CACNA1H: variants seen among roughly 807,000 people sequenced by gnomAD.
The protein encoded by CACNA1H is calcium voltage-gated channel subunit alpha1 H, also known as voltage-dependent T-type calcium channel subunit alpha-1H.
In CACNA1H, 149 loss-of-function variants were observed where a neutral mutation model predicts 192.5. The ratio of observed to expected loss-of-function variants is 0.77; its 90% CI spans 0.68 to 0.89. CACNA1H has a LOEUF of 0.89. CACNA1H is among the 40% of genes least tolerant of loss of function. The pLI is 0.00. For missense variants in CACNA1H, 4,257 were observed against 3,423.5 expected (o/e 1.24, Z -6.08); for synonymous variants, 2,202 against 1,475.2 (o/e 1.49, Z -11.29).
intron 31 of CACNA1H, among the ~76,000 whole-genome samples, chr16:1,217,556 G>C (rs1970129566): frequency 6.6e-6 from 1 of 152,222 alleles, no homozygotes; most frequent in South Asian, 2.1e-4. Context: ...TCCCGACGGT[G>C]GGTGTGGCGT....
Position 1,220,763 on chromosome 16 carries a change from T to A in CACNA1H, c.6831T>A (p.Ser2277Arg), listed in dbSNP as rs772341545. The A allele has an allele frequency of 5.0e-6, 8 of 1,612,334 alleles. No homozygotes were observed. Among genetic ancestry groups the A allele is most frequent in the Non-Finnish European group, 5.9e-6 (7 of 1,179,732 alleles). Reference protein sequence around the residue: ...AFEPLDLGVPSGDPFLDGSHS... With the variant: ...AFEPLDLGVPRGDPFLDGSHS... ...AGCCGCTGGACCTCGGGGTCCCCAG[T>A]GGAGACCCTTTCTTGGACGGTAGCC... Residue 2277 changes from serine (S) to arginine (R), a missense_variant, in exon 35 of 35, where the codon AGT becomes AGA. Transcript: ENST00000348261.
chr16:1,208,965 C>T, intron 16 of CACNA1H, 67 bp from the exon 17 acceptor site: 1 of 1,372,502 alleles, frequency 7.3e-7, no homozygotes, highest in Non-Finnish European at 9.4e-7. Context: ...ACAGTGGGTG[C>T]TCCGTAATGA....
At position 1,201,963 on chromosome 16, in the gene CACNA1H, C is replaced by A. The variant is rs60414549; in HGVS notation, c.1513C>A (p.Arg505Ser). The change falls in exon 9 of 35, where the codon CGC (arginine) becomes AGC (serine). Residue 505 changes from arginine (R) to serine (S), a missense_variant. Coordinates refer to ENST00000348261, the MANE Select transcript of CACNA1H (RefSeq NM_021098.3). Reference sequence around the variant, plus strand: ...AGGCCAGGGTCCCGGGCACCGCCAGCGCCGGGCAGGCAGGCACACAGCCTC... The same window carrying A: ...AGGCCAGGGTCCCGGGCACCGCCAGAGCCGGGCAGGCAGGCACACAGCCTC... ...VQGQGPGHRQ[R>S]RAGRHTASVH... 3 of 1,544,942 alleles carry A rather than the reference C, an allele frequency of 1.9e-6. No homozygotes were observed. Among genetic ancestry groups the A allele is most frequent in the African/African-American group, 2.7e-5 (2 of 73,050 alleles).
chr16:1,186,993 C>T (rs1017076621), intron 2 of CACNA1H, among the ~76,000 whole-genome samples: 3 of 152,226 alleles, frequency 2.0e-5, no homozygotes, highest in Non-Finnish European at 2.9e-5. Context: ...GCGGCTGGCC[C>T]GGCCCCTCCT....
chr16:1,195,968 G>A lies in CACNA1H; in HGVS notation c.588G>A (p.Ser196=), dbSNP rs749822770. 17 of 1,612,994 alleles carry A rather than the reference G, an allele frequency of 1.1e-5. No individual in the cohort carries two copies. The highest frequency in any genetic ancestry group is 3.3e-5 in the Admixed American group (2 of 60,002). ...TGGACGGACACAACGTGAGCCTCTCGGCTATCAGGACCGTGCGGGTGCTGC... is the reference window on the plus strand; with the variant it reads ...TGGACGGACACAACGTGAGCCTCTCAGCTATCAGGACCGTGCGGGTGCTGC... ...YSLDGHNVSL[S]AIRTVRVLRP... Residue 196 remains serine, a synonymous_variant, in exon 5 of 35, where the codon TCG becomes TCA. Coordinates refer to ENST00000348261, the MANE Select transcript of CACNA1H (RefSeq NM_021098.3).
chr16:1,162,573 G>A (rs1472815098), intron 2 of CACNA1H, among the ~76,000 whole-genome samples: 2 of 151,674 alleles, frequency 1.3e-5, no homozygotes. Flanking sequence ...GGCTGGTGCT[G>A]CAGTTGTGTC....
chr16:1,210,587 G>C lies in CACNA1H; in HGVS notation c.3974G>C (p.Arg1325Pro). The C allele has an allele frequency of 6.2e-7, 1 of 1,608,954 alleles. No individual in the cohort carries two copies. Among genetic ancestry groups the C allele is most frequent in the Non-Finnish European group, 8.5e-7 (1 of 1,179,770 alleles). ...RPDIDPGSTE[R>P]VFLSVSNYIF... ...CCCACCGTCCTCTCCCGGCAGGAGCGGGTCTTCCTCAGCGTCTCCAATTAC... is the reference window on the plus strand; with the variant it reads ...CCCACCGTCCTCTCCCGGCAGGAGCCGGTCTTCCTCAGCGTCTCCAATTAC... Residue 1325 changes from arginine (R) to proline (P), a missense_variant, in exon 20 of 35, where the codon CGG becomes CCG. Coordinates refer to ENST00000348261, the MANE Select transcript of CACNA1H (RefSeq NM_021098.3).
In CACNA1H at chr16:1,215,315, G is replaced by A. The variant is rs148651456; in HGVS notation, c.5113G>A (p.Ala1705Thr). 7.2e-3 allele frequency: 11,533 copies of A among 1,611,068 alleles called. 42 individuals are homozygous for A. Among genetic ancestry groups the A allele is most frequent in the Non-Finnish European group, 8.4e-3 (9,961 of 1,179,070 alleles). ...CACGCTGGAGGAGATAGAGATGAGC[G>A]CCGCGCTGCCCATCAACCCCACCAT... is the stretch of plus-strand genomic sequence containing the variant. ...GITLEEIEMS[A>T]ALPINPTIIR... The change falls in exon 29 of 35, where the codon GCC (alanine) becomes ACC (threonine). Residue 1705 changes from alanine to threonine, a missense_variant. Ala to Thr is a moderately conservative substitution (Grantham distance 58). Transcript: ENST00000348261.
At position 1,219,136 on chromosome 16, in the gene CACNA1H, A is replaced by G. The variant is rs1290267284; in HGVS notation, c.6048+6A>G. ...GCCGGCTGCTCTGCAGACAGGTAGG[A>G]GAAGCCGTTGGCCTGCAGCAGAGGC... On this transcript the variant is annotated splice_donor_region_variant and intron_variant, in intron 34 of 34. Transcript: ENST00000348261. 1.3e-6 allele frequency: 2 copies of G among 1,526,152 alleles called. No homozygotes were observed. The highest frequency in any genetic ancestry group is 1.8e-6 in the Non-Finnish European group (2 of 1,134,160). The allele number at this position is 1,526,152 out of a possible 1,614,324, so 94.5% of individuals were successfully genotyped here.
intron 2 of CACNA1H, among the ~76,000 whole-genome samples, chr16:1,160,892 G>A (rs1264474959): frequency 6.6e-6 from 1 of 152,142 alleles, no homozygotes; most frequent in Non-Finnish European, 1.5e-5. Context: ...ATCCTCGGGT[G>A]CGCGGCCGGC....
chr16:1,196,012 A>C lies in CACNA1H; in HGVS notation c.632A>C (p.Asn211Thr), dbSNP rs756493932. The C allele has an allele frequency of 4.3e-6, 7 of 1,612,554 alleles. No individual in the cohort carries two copies. The highest frequency in any genetic ancestry group is 5.9e-6 in the Non-Finnish European group (7 of 1,179,610). Residue 211 changes from asparagine (N) to threonine (T), a missense_variant, in exon 5 of 35, where the codon AAC becomes ACC. Physicochemically the swap from Asn to Thr is moderately conservative, Grantham distance 65. Coordinates refer to ENST00000348261, the MANE Select transcript of CACNA1H (RefSeq NM_021098.3). ...GTGCTGCGGCCCCTCCGCGCCATCAACCGCGTGCCTAGTAAGTGACCGGCC... is the reference window on the plus strand; with the variant it reads ...GTGCTGCGGCCCCTCCGCGCCATCACCCGCGTGCCTAGTAAGTGACCGGCC... The part of the protein sequence containing the change: ...VRVLRPLRAI[N>T]RVPSMRILVT...
chr16:1,154,133 C>G (rs1284179857), intron 2 of CACNA1H, 97 bp downstream of exon 2: 2 of 999,714 alleles, frequency 2.0e-6, no homozygotes, highest in African/African-American at 1.7e-5. Context: ...CCCGCGCGCC[C>G]CTGTTGGTGG....
At chr16:1,205,699 C>A (rs1270870147) in intron 11 of CACNA1H, among the ~76,000 whole-genome samples, 1 of 152,210 alleles carries the variant, frequency 6.6e-6, no homozygotes, top group African/African-American at 2.4e-5. Flanking sequence ...CGCCCCCGGT[C>A]TTCCCCTAGG....
intron 10 of CACNA1H, 34 bp from the exon 11 acceptor site, chr16:1,205,080 C>T (rs13335513): frequency 2.5e-5 from 39 of 1,575,958 alleles, no homozygotes; most frequent in Admixed American, 3.5e-5. Flanking sequence ...GCCGCGGGTG[C>T]GGCCTCCTGA....
chr16:1,195,291 C>A, intron 3 of CACNA1H, 141 bp from the exon 4 acceptor site: 1 of 948,120 alleles, frequency 1.1e-6, no homozygotes, highest in Non-Finnish European at 1.4e-6. Context: ...AGGCAGGGCT[C>A]AGTTCCTGGG....
chr16:1,215,369 G>A lies in CACNA1H; in HGVS notation c.5167G>A (p.Ala1723Thr), dbSNP rs1460068189. The A allele has an allele frequency of 1.2e-6, 2 of 1,600,300 alleles. No homozygotes were observed. The highest frequency in any genetic ancestry group is 4.5e-5 in the East Asian group (2 of 43,976). ...CCGCATCATGCGCGTGCTTCGCATT[G>A]CCCGTGGTAGGTGCCCGCGTGCCCG... is the stretch of plus-strand genomic sequence containing the variant. ...IIRIMRVLRI[A>T]RVLKLLKMAT... Residue 1723 changes from alanine (A) to threonine (T), a missense_variant, in exon 29 of 35, where the codon GCC (alanine) becomes ACC (threonine). By Grantham distance (58) the Ala-to-Thr change is moderately conservative. Transcript: ENST00000348261.
At position 1,220,717 on chromosome 16, in the gene CACNA1H, C is replaced by T; in HGVS notation, c.6785C>T (p.Thr2262Ile). 4.3e-6 allele frequency: 7 copies of T among 1,612,222 alleles called. No individual in the cohort carries two copies. Among genetic ancestry groups the T allele is most frequent in the Non-Finnish European group, 5.9e-6 (7 of 1,179,648 alleles). ...GCCTCCTGCCGGGCTGAGCACCTGA[C>T]CGTCCCCAGCTTTGCCTTTGAGCCG... ...GQASCRAEHL[T>I]VPSFAFEPLD... Residue 2262 changes from threonine (T) to isoleucine (I), a missense_variant, in exon 35 of 35, where the codon ACC becomes ATC. Thr to Ile is a moderately conservative substitution (Grantham distance 89). Transcript: ENST00000348261.
In CACNA1H at chr16:1,206,300, C is replaced by G; in HGVS notation, c.2789+11C>G. 1.3e-6 allele frequency: 2 copies of G among 1,548,538 alleles called. No individual in the cohort carries two copies. The highest frequency in any genetic ancestry group is 1.7e-6 in the Non-Finnish European group (2 of 1,146,444). ...CATTTTCATCTTCAGGTGGGCGCAA[C>G]CCCCCTCCCGGCCCGCCCAGTGTCT... On this transcript the variant is annotated intron_variant, in intron 12 of 34. Coordinates refer to ENST00000348261, the MANE Select transcript of CACNA1H (RefSeq NM_021098.3).
rs969552038 is a variant in CACNA1H at position 1,172,966 on chromosome 16, C to A, written c.299+18930C>A. On this transcript the variant is annotated intron_variant, in intron 2 of 34. Transcript: ENST00000348261. ...TGGCCCCAGGGACACCAGGTCCCTG[C>A]AGGTGGGTGCTGCCTGGGAGGGAGG... Among the ~76,000 whole-genome samples, 11 of 151,190 alleles carry A rather than the reference C, an allele frequency of 7.3e-5. No individual in the cohort carries two copies. In the South Asian group the frequency reaches 1.0e-3, roughly 14 times the overall value.
Sources: gnomAD v4.1 joint callset for allele counts (sites outside exome capture counted in the v4.1 genomes callset) on GRCh38, gnomAD v4.1.1 for gene constraint, MANE v1.5 for transcripts, NCBI Gene and HGNC (gene_info 2026-07-23, HGNC 2026-07-21) for gene names.